PEX14: variants seen among roughly 807,000 people sequenced by gnomAD.
PEX14 encodes the protein peroxisomal membrane protein PEX14.
A neutral mutation model predicts 49.5 loss-of-function variants in PEX14; 15 were observed. The ratio of observed to expected loss-of-function variants is 0.30; its 90% CI spans 0.20 to 0.47. The LOEUF is 0.47. PEX14 is among the 20% of genes least tolerant of loss of function. The pLI is 1.00. For synonymous variants in PEX14, 210 were observed against 212.7 expected (o/e 0.99, Z 0.11); for missense variants, 398 against 494.8 (o/e 0.80, Z 1.86).
chr1:10,607,377 T>G (rs1461697021), intron 4 of PEX14, among the ~76,000 whole-genome samples: 1 of 152,242 alleles, frequency 6.6e-6, no homozygotes, highest in Non-Finnish European at 1.5e-5. Flanking sequence ...AGTCTTTGTA[T>G]GTTTTTATTT....
At chr1:10,478,957 T>C (rs1641239566) in intron 1 of PEX14, among the ~76,000 whole-genome samples, 1 of 151,800 alleles carries the variant, frequency 6.6e-6, no homozygotes, top group Non-Finnish European at 1.5e-5. Context: ...TTCACCGTAT[T>C]AGCCAGGATG....
chr1:10,486,651 A>G (rs1641373498), intron 1 of PEX14, among the ~76,000 whole-genome samples: 1 of 150,360 alleles, frequency 6.7e-6, no homozygotes, highest in African/African-American at 2.4e-5. Flanking sequence ...ACTGCACTAC[A>G]GGCACTACAG....
chr1:10,497,182 G>A (rs746868535), intron 2 of PEX14, among the ~76,000 whole-genome samples: 1 of 152,040 alleles, frequency 6.6e-6, no homozygotes, highest in Non-Finnish European at 1.5e-5. Context: ...CTGATTAAAC[G>A]GGGGCACCAG....
At chr1:10,511,059 G>A (rs1470149627) in intron 2 of PEX14, among the ~76,000 whole-genome samples, 1 of 149,960 alleles carries the variant, frequency 6.7e-6, no homozygotes, top group African/African-American at 2.4e-5. Context: ...GTGGTGCACC[G>A]ATAGGCATCG....
chr1:10,489,299 T>C (rs779982414), intron 1 of PEX14, among the ~76,000 whole-genome samples: 37 of 152,212 alleles, frequency 2.4e-4, no homozygotes, highest in Non-Finnish European at 4.0e-4. Flanking sequence ...AAATTTTTTA[T>C]TGGATGCTGG....
In PEX14 at chr1:10,495,230, G is replaced by A. The variant is rs763581457; in HGVS notation, c.37-44G>A. 3.1e-6 allele frequency: 5 copies of A among 1,598,540 alleles called. No homozygotes were observed. In the Admixed American group the frequency reaches 8.3e-5, roughly 27 times the overall value. On this transcript the variant is annotated intron_variant, in intron 1 of 8. Transcript: ENST00000356607. The surrounding 1 kb of genome is among the most constrained non-coding windows in gnomAD (Gnocchi z 4.2). ...CATCTTTGGTTTTTTGATGTCCATT[G>A]GGTGGCACTGTGATCTTATTTTTGT...
intron 3 of PEX14, among the ~76,000 whole-genome samples, chr1:10,589,801 C>G (rs948747611): frequency 1.3e-5 from 2 of 152,184 alleles, no homozygotes; most frequent in African/African-American, 2.4e-5. Flanking sequence ...AAAACTCTTG[C>G]GATAGAGTGC....
chr1:10,602,766 G>A (rs994831376), intron 4 of PEX14, among the ~76,000 whole-genome samples: 2 of 152,126 alleles, frequency 1.3e-5, no homozygotes, highest in Non-Finnish European at 2.9e-5. Flanking sequence ...CAAACTCAGG[G>A]GAGTTTCTGA....
At chr1:10,585,350 AAG>A (rs1025032716) in intron 3 of PEX14, among the ~76,000 whole-genome samples, 3 of 152,146 alleles carry the variant, frequency 2.0e-5, no homozygotes, top group Non-Finnish European at 4.4e-5. Context: ...CAGGAGAGAA[AAG>A]AGAGCACTAA....
chr1:10,532,523 C>T (rs192878924), intron 2 of PEX14, among the ~76,000 whole-genome samples: 4 of 152,224 alleles, frequency 2.6e-5, no homozygotes, highest in East Asian at 1.9e-4. Flanking sequence ...GGGAAAGGAA[C>T]GCTGATTCCA....
intron 2 of PEX14, among the ~76,000 whole-genome samples, chr1:10,508,626 A>C (rs1037956062): frequency 1.3e-5 from 2 of 152,202 alleles, no homozygotes; most frequent in African/African-American, 2.4e-5. Flanking sequence ...CCTGCCTGCC[A>C]GATCTTCCAG....
intron 2 of PEX14, among the ~76,000 whole-genome samples, chr1:10,503,026 C>T (rs1258853430): frequency 6.6e-6 from 1 of 151,512 alleles, no homozygotes; most frequent in Admixed American, 6.6e-5. Flanking sequence ...ATCTCGAACT[C>T]CTGGGCTCAA....
At chr1:10,484,922 G>A (rs930923311) in intron 1 of PEX14, among the ~76,000 whole-genome samples, 5 of 151,604 alleles carry the variant, frequency 3.3e-5, no homozygotes, top group Admixed American at 6.6e-5. Flanking sequence ...TTACCACGAC[G>A]TATCTCACCC....
rs369487535 is a variant in PEX14 at position 10,591,634 on chromosome 1, A to G, written c.170-7604A>G. 4.4e-4 allele frequency among the ~76,000 whole-genome samples: 39 copies of G among 88,242 alleles called. No homozygotes were observed. In the South Asian group the frequency reaches 0.012, roughly 28 times the overall value. The allele number at this position is 88,242 out of a possible 152,430, so 57.9% of individuals were successfully genotyped here. ...TCCTCCTTTTCTTTCAGGTATACACACTGTGTGTGTGTGTGTGTGTGTGTG... is the reference window on the plus strand; with the variant it reads ...TCCTCCTTTTCTTTCAGGTATACACGCTGTGTGTGTGTGTGTGTGTGTGTG... On this transcript the variant is annotated intron_variant, in intron 3 of 8. Coordinates refer to ENST00000356607, the MANE Select transcript of PEX14 (RefSeq NM_004565.3).
chr1:10,625,958 C>T (rs977044480), intron 7 of PEX14, among the ~76,000 whole-genome samples: 1 of 152,110 alleles, frequency 6.6e-6, no homozygotes, highest in Non-Finnish European at 1.5e-5. Context: ...CATCTAAACG[C>T]GTATGTGTGA....
At chr1:10,590,936 A>T (rs964613557) in intron 3 of PEX14, among the ~76,000 whole-genome samples, 1 of 152,222 alleles carries the variant, frequency 6.6e-6, no homozygotes, top group Non-Finnish European at 1.5e-5. Flanking sequence ...ACCCCAAAGG[A>T]ACATTTATAG....
At chr1:10,501,897 T>C (rs683864) in intron 2 of PEX14, among the ~76,000 whole-genome samples, 41,601 of 151,822 alleles carry the variant, frequency 0.27, 5,958 homozygotes, top group Admixed American at 0.37. Flanking sequence ...GGCAACAGAG[T>C]AAGACTCCGT....
chr1:10,601,225 GC>G (rs1191323437), intron 4 of PEX14, among the ~76,000 whole-genome samples: 3 of 137,180 alleles, frequency 2.2e-5, no homozygotes. Flanking sequence ...TCATGCCATT[GC>G]ACTCCAGCTT....
At chr1:10,610,488 CT>C (rs1318793982) in intron 4 of PEX14, among the ~76,000 whole-genome samples, 8 of 143,430 alleles carry the variant, frequency 5.6e-5, no homozygotes, top group Admixed American at 7.0e-5. Flanking sequence ...TTTCGTTTTT[CT>C]TTTTTTTTTG....
Sources: gnomAD v4.1 joint callset for allele counts (sites outside exome capture counted in the v4.1 genomes callset) on GRCh38, gnomAD v4.1.1 for gene constraint, Gnocchi (gnomAD v3.1) non-coding constraint, MANE v1.5 for transcripts, NCBI Gene and HGNC (gene_info 2026-07-23, HGNC 2026-07-21) for gene names.